Variants in GART observed in about 807,000 individuals in gnomAD.
The protein encoded by GART is phosphoribosylglycinamide formyltransferase, phosphoribosylglycinamide synthetase, phosphoribosylaminoimidazole synthetase, also known as trifunctional purine biosynthetic protein adenosine-3.
In GART, 43 loss-of-function variants were observed where a neutral mutation model predicts 107.2. The ratio of observed to expected loss-of-function variants is 0.40; its 90% CI spans 0.31 to 0.52. The LOEUF (loss-of-function observed/expected upper bound fraction) is 0.52, where lower values mean the gene tolerates loss of function less well. Among genes scored for constraint, GART ranks in the 20% least tolerant of loss-of-function variants. The probability of loss-of-function intolerance (pLI) is 0.52; values close to 1 mark genes in which losing one functional copy is unlikely to be tolerated. For missense variants in GART, 1,107 were observed against 1,206.5 expected (o/e 0.92, Z 1.22); for synonymous variants, 434 against 427.0 (o/e 1.02, Z -0.20).
chr21:33,531,437 C>A, intron 6 of GART, 52 bp downstream of exon 6: 2 of 1,506,980 alleles, frequency 1.3e-6, no homozygotes, highest in South Asian at 2.3e-5. Context: ...GTACACAGGT[C>A]AGATGACAGC....
At chr21:33,533,162 A>G (rs964029480) in intron 4 of GART, among the ~76,000 whole-genome samples, 6 of 152,220 alleles carry the variant, frequency 3.9e-5, no homozygotes, top group East Asian at 3.8e-4. Context: ...AATAGTGGCC[A>G]GGCGCGGTGG....
At chr21:33,526,031 G>A (rs769523654) in intron 10 of GART, among the ~76,000 whole-genome samples, 7 of 151,450 alleles carry the variant, frequency 4.6e-5, no homozygotes, top group Non-Finnish European at 8.8e-5. Context: ...CACCATGCCC[G>A]GCTAATTTTT....
chr21:33,530,177 C>T (rs2085156684), intron 7 of GART, among the ~76,000 whole-genome samples: 1 of 152,166 alleles, frequency 6.6e-6, no homozygotes, highest in South Asian at 2.1e-4. Flanking sequence ...GGTAACAGAG[C>T]GAGACTCCGT....
At position 33,506,106 on chromosome 21, in the gene GART, T is replaced by C; in HGVS notation, c.2453-2A>G. On this transcript the variant is annotated splice_acceptor_variant, in intron 18 of 21. Coordinates refer to ENST00000381815, the MANE Select transcript of GART (RefSeq NM_000819.5). LOFTEE classifies it high-confidence loss of function. ...CTATAAGTGCTTGCAGGTTCGATCC[T>C]GAGAAGGGAGAAAAACAGCAGTGAG... The C allele has an allele frequency of 6.2e-7, 1 of 1,612,000 alleles. No individual in the cohort carries two copies.
intron 10 of GART, 28 bp from the exon 11 acceptor site, chr21:33,525,028 T>C: frequency 6.3e-7 from 1 of 1,598,668 alleles, no homozygotes; most frequent in Non-Finnish European, 8.5e-7. Flanking sequence ...TGACATATGA[T>C]TTCAAATAGC....
chr21:33,507,854 CA>C lies in GART; in HGVS notation c.2453-1751del, dbSNP rs199898805. On this transcript the variant is annotated intron_variant, in intron 18 of 21. Coordinates refer to ENST00000381815, the MANE Select transcript of GART (RefSeq NM_000819.5). ...CTCAAAAACAAAAACAAAAACAAAA[CA>C]AAAAAAAACTGAAATAAAATAACTG... 2.5e-4 allele frequency among the ~76,000 whole-genome samples: 38 copies of C among 149,760 alleles called. 1 individual carries two copies. Among genetic ancestry groups the C allele is most frequent in the African/African-American group, 8.3e-4 (34 of 40,804 alleles).
At chr21:33,508,737 G>A (rs1338635199) in intron 18 of GART, among the ~76,000 whole-genome samples, 2 of 151,814 alleles carry the variant, frequency 1.3e-5, no homozygotes, top group Non-Finnish European at 2.9e-5. Context: ...GGATGGTCTC[G>A]ATCTCTTGAC....
At chr21:33,534,517 T>A (rs2085266582) in intron 4 of GART, 62 bp downstream of exon 4, 1 of 1,579,642 alleles carries the variant, frequency 6.3e-7, no homozygotes, top group East Asian at 2.2e-5. Flanking sequence ...GCCTGGCCAC[T>A]GACCTGTGTA....
intron 16 of GART, among the ~76,000 whole-genome samples, chr21:33,512,289 G>GAAAA (rs563178142): frequency 2.9e-4 from 19 of 65,432 alleles, no homozygotes; most frequent in Non-Finnish European, 4.0e-4. Flanking sequence ...GACTCAAATT[G>GAAAA]AAAAAAAAAA....
chr21:33,524,392 T>C, intron 11 of GART: 1 of 655,730 alleles, frequency 1.5e-6, no homozygotes, highest in Non-Finnish European at 1.9e-6. Context: ...CCACAAAAAA[T>C]ACAAAAAAAT....
intron 1 of GART, among the ~76,000 whole-genome samples, chr21:33,539,666 C>T (rs1379010766): frequency 6.6e-6 from 1 of 151,340 alleles, no homozygotes; most frequent in African/African-American, 2.4e-5. Flanking sequence ...ACACTCTAGC[C>T]TGGGAAACAG....
Position 33,522,302 on chromosome 21 carries a change from T to G in GART, c.1299-20A>C. The G allele has an allele frequency of 6.6e-7, 1 of 1,507,912 alleles. No individual in the cohort carries two copies. The highest frequency in any genetic ancestry group is 1.1e-5 in the South Asian group (1 of 88,840). The allele number at this position is 1,507,912 out of a possible 1,614,324, so 93.4% of individuals were successfully genotyped here. A position where few individuals can be genotyped will look rare whatever the true frequency, so the allele number is the denominator to read the frequency against. On this transcript the variant is annotated intron_variant, in intron 11 of 21. Coordinates refer to ENST00000381815, the MANE Select transcript of GART (RefSeq NM_000819.5). ...AAACTCCTAAAGAATTAAAAACAAG[T>G]CATCACCTAAACGTCAGGGAAAATT... is the stretch of plus-strand genomic sequence containing the variant.
intron 13 of GART, 90 bp downstream of exon 13, chr21:33,520,816 T>G: frequency 2.0e-6 from 2 of 977,126 alleles, no homozygotes; most frequent in African/African-American, 1.6e-5. Context: ...CCTTTTTAGC[T>G]CATATATGTC....
rs897775906 is a variant in GART, at chr21:33,525,076, A to G, written c.1067-76T>C. ...CACCGTGAAGTGATTTACGATTTCC[A>G]CAAGTTTCTTTTTTTTTTTTTTTAA... On this transcript the variant is annotated intron_variant, in intron 10 of 21. Coordinates refer to ENST00000381815, the MANE Select transcript of GART (RefSeq NM_000819.5). 110 of 1,467,980 alleles carry G rather than the reference A, an allele frequency of 7.5e-5. No homozygotes were observed. In the African/African-American group the frequency reaches 1.4e-3, roughly 18 times the overall value. The allele number at this position is 1,467,980 out of a possible 1,614,324, so 90.9% of individuals were successfully genotyped here.
intron 4 of GART, among the ~76,000 whole-genome samples, chr21:33,533,442 A>AT (rs1363553905): frequency 9.2e-4 from 136 of 148,572 alleles, no homozygotes; most frequent in Middle Eastern, 3.4e-3. Context: ...GAGACTCAAA[A>AT]AAAAAAAAAT....
intron 16 of GART, among the ~76,000 whole-genome samples, chr21:33,513,388 G>A (rs1361458205): frequency 1.1e-4 from 17 of 151,954 alleles, no homozygotes; most frequent in Admixed American, 1.1e-3. Context: ...TGGCCAACAT[G>A]ATGAAACCCC....
At position 33,517,521 on chromosome 21, in the gene GART, T is replaced by C; in HGVS notation, c.1790A>G (p.Gln597Arg). 2 of 1,614,230 alleles carry C rather than the reference T, an allele frequency of 1.2e-6. No homozygotes were observed. The highest frequency in any genetic ancestry group is 2.2e-5 in the South Asian group (2 of 91,086). Residue 597 changes from glutamine (Q) to arginine (R), a missense_variant, in exon 15 of 22, where the codon CAG becomes CGG. By Grantham distance (43) the Gln-to-Arg change is conservative. Coordinates refer to ENST00000381815, the MANE Select transcript of GART (RefSeq NM_000819.5). ...GFAVGAMERD[Q>R]KLPHLERITE... is the part of the protein sequence containing the mutation. The stretch of plus-strand genomic sequence containing the variant: ...GATTCTTTCCAGGTGAGGGAGTTTC[T>C]GATCTCGCTCCATGGCACCAACGGC...
intron 6 of GART, 104 bp downstream of exon 6, chr21:33,531,384 GT>G (rs1390724409): frequency 1.3e-5 from 13 of 973,952 alleles, no homozygotes; most frequent in African/African-American, 1.1e-4. Context: ...CTGGGTTTAT[GT>G]TTTTAGATGA....
rs373647982 is a variant in GART, at chr21:33,517,339, A to G, written c.1954+18T>C. The G allele has an allele frequency of 8.1e-6, 13 of 1,613,782 alleles. No homozygotes were observed. The Admixed American group carries it at 2.2e-4, about 27-fold the overall frequency. ...CAGGCATTTCCAAGCAGGACAGTTTAAACATGAGGGAGTTTACCTAAAGTC... is the reference window on the plus strand; with the variant it reads ...CAGGCATTTCCAAGCAGGACAGTTTGAACATGAGGGAGTTTACCTAAAGTC... On this transcript the variant is annotated intron_variant, in intron 15 of 21. Coordinates refer to ENST00000381815, the MANE Select transcript of GART (RefSeq NM_000819.5).
Sources: gnomAD v4.1 joint callset for allele counts (sites outside exome capture counted in the v4.1 genomes callset) on GRCh38, gnomAD v4.1.1 for gene constraint, MANE v1.5 for transcripts, NCBI Gene and HGNC (gene_info 2026-07-23, HGNC 2026-07-21) for gene names.